Variants in KALRN observed in about 807,000 individuals in gnomAD.
KALRN encodes kalirin.
In KALRN, 70 loss-of-function variants were observed where a neutral mutation model predicts 353.7. That is an observed-to-expected ratio of 0.20 (90% CI 0.16 to 0.24). The LOEUF (loss-of-function observed/expected upper bound fraction) is 0.24, where lower values mean the gene tolerates loss of function less well. Among genes scored for constraint, KALRN ranks in the 10% least tolerant of loss-of-function variants. The pLI is 1.00. For missense variants in KALRN, 2,791 were observed against 3,756.7 expected, an observed-to-expected ratio of 0.74 and a Z score of 6.72; for synonymous variants, 1,391 against 1,434.8, an observed-to-expected ratio of 0.97 and a Z score of 0.69.
At chr3:124,102,911 C>A (rs937226924) in intron 1 of KALRN, among the ~76,000 whole-genome samples, 4 of 152,204 alleles carry the variant, frequency 2.6e-5, no homozygotes, top group Non-Finnish European at 4.4e-5. Context: ...CTTTGTTTCT[C>A]ATTATGCCTT....
At position 124,719,503 on chromosome 3, in the gene KALRN, G is replaced by A. The variant is rs372318704; in HGVS notation, c.*33G>A. On this transcript the variant is annotated 3_prime_UTR_variant, in exon 60 of 60. Transcript: ENST00000682506. The surrounding 1 kb of genome is among the most constrained non-coding windows in gnomAD (Gnocchi z 5.3). The stretch of plus-strand genomic sequence containing the variant: ...CCAGCCCCTATGGTTTCACATAGAC[G>A]TGCAGTGTGAACCAAAGCAAGACTG... The A allele has an allele frequency of 1.7e-4, 266 of 1,578,518 alleles. 2 individuals are homozygous for A. The highest frequency in any genetic ancestry group is 1.5e-3 in the South Asian group (127 of 86,934).
intron 37 of KALRN, among the ~76,000 whole-genome samples, chr3:124,642,903 G>A (rs910088786): frequency 4.1e-5 from 6 of 145,760 alleles, no homozygotes; most frequent in African/African-American, 1.0e-4. Flanking sequence ...TGCAACCTCC[G>A]CCTCCCGGGT....
In KALRN at chr3:124,674,469, G is replaced by T; in HGVS notation, c.7048G>T (p.Val2350Phe). 1 of 1,614,018 alleles carries T rather than the reference G, an allele frequency of 6.2e-7. No individual in the cohort carries two copies. Among genetic ancestry groups the T allele is most frequent in the South Asian group, 1.1e-5 (1 of 91,052 alleles). Residue 2350 changes from valine (V) to phenylalanine (F), a missense_variant, in exon 49 of 60, where the codon GTC becomes TTC. Val to Phe is a conservative substitution (Grantham distance 50). This residue lies in a region of KALRN where 1,065 missense variants were observed against 1,156.4 expected (regional missense o/e 0.92). Transcript: ENST00000682506. ...TGTGAGCCAAGGTGAGGTGGTCCAGGTCCTCGCCGTCAACCAGCAGAACAT... is the reference window on the plus strand; with the variant it reads ...TGTGAGCCAAGGTGAGGTGGTCCAGTTCCTCGCCGTCAACCAGCAGAACAT... ...ICVSQGEVVQ[V>F]LAVNQQNMCL...
intron 5 of KALRN, among the ~76,000 whole-genome samples, chr3:124,283,336 AT>A (rs1472868737): frequency 2.6e-5 from 4 of 152,156 alleles, no homozygotes; most frequent in Non-Finnish European, 5.9e-5. Context: ...GTTGGGCATT[AT>A]TTTCTCAGCC....
chr3:124,070,309 G>C (rs1208314100), intron 1 of KALRN, among the ~76,000 whole-genome samples: 1 of 152,168 alleles, frequency 6.6e-6, no homozygotes, highest in East Asian at 1.9e-4. Flanking sequence ...TCCGTGGTGA[G>C]AGGTCCAGGA....
At chr3:124,249,839 C>T (rs996021162) in intron 3 of KALRN, among the ~76,000 whole-genome samples, 3 of 152,208 alleles carry the variant, frequency 2.0e-5, no homozygotes, top group African/African-American at 7.2e-5. Context: ...TCCCCGACTC[C>T]AGCTCTTTGA....
intron 56 of KALRN, 84 bp downstream of exon 56, chr3:124,700,117 A>G: frequency 7.4e-7 from 1 of 1,345,138 alleles, no homozygotes; most frequent in Non-Finnish European, 1.0e-6. Flanking sequence ...GCACGTTGAC[A>G]TGTCAGGCCA....
At chr3:124,658,581 C>G in intron 42 of KALRN, 64 bp downstream of exon 42, 2 of 1,192,168 alleles carry the variant, frequency 1.7e-6, no homozygotes, top group South Asian at 1.2e-5. Flanking sequence ...CAGCCACTTT[C>G]AGAAATACCA....
chr3:124,704,538 CT>C (rs3058054), intron 57 of KALRN, among the ~76,000 whole-genome samples: 2 of 151,258 alleles, frequency 1.3e-5, no homozygotes, highest in Non-Finnish European at 2.9e-5. Context: ...CATGGAAATT[CT>C]TTTTTTTTCT....
At chr3:124,295,579 C>T (rs1580636600) in intron 5 of KALRN, among the ~76,000 whole-genome samples, 1 of 152,132 alleles carries the variant, frequency 6.6e-6, no homozygotes, top group East Asian at 1.9e-4. Context: ...CATAACTCAT[C>T]TGCTTATTTG....
chr3:124,068,419 G>T (rs2149253608), intron 1 of KALRN, among the ~76,000 whole-genome samples: 1 of 152,344 alleles, frequency 6.6e-6, no homozygotes, highest in African/African-American at 2.4e-5. Flanking sequence ...TTGGCCCAGT[G>T]ACACCAATGA....
intron 1 of KALRN, among the ~76,000 whole-genome samples, chr3:124,160,792 C>G (rs1273399090): frequency 6.6e-6 from 1 of 152,190 alleles, no homozygotes; most frequent in African/African-American, 2.4e-5. Flanking sequence ...CCTGTCTGAG[C>G]AAGTCTGTCC....
chr3:124,141,062 C>T (rs918937534), intron 1 of KALRN, among the ~76,000 whole-genome samples: 47 of 152,124 alleles, frequency 3.1e-4, no homozygotes, highest in East Asian at 1.9e-4. Flanking sequence ...ACTTTGATTC[C>T]GCCTTCTTCA....
chr3:124,211,911 C>T (rs2076932504), intron 1 of KALRN, among the ~76,000 whole-genome samples: 1 of 152,074 alleles, frequency 6.6e-6, no homozygotes, highest in Non-Finnish European at 1.5e-5. Context: ...GGGAAGGCTT[C>T]CTGGAGGAAG....
intron 34 of KALRN, among the ~76,000 whole-genome samples, chr3:124,626,785 G>A (rs1400702681): frequency 1.3e-5 from 2 of 152,120 alleles, no homozygotes; most frequent in African/African-American, 4.8e-5. Flanking sequence ...CTATAATAAT[G>A]GTAAAGATGA....
At chr3:124,208,510 A>G (rs1364055902) in intron 1 of KALRN, among the ~76,000 whole-genome samples, 2 of 152,198 alleles carry the variant, frequency 1.3e-5, no homozygotes, top group South Asian at 2.1e-4. Flanking sequence ...AATTAAAGTG[A>G]GCTTGTGAAC....
Position 124,666,624 on chromosome 3 carries a change from G to A in KALRN, c.6521G>A (p.Arg2174Lys). ...GSLTPGYMFK[R>K]SIKMNYLVLE... ...CTCACCCCTGGCTACATGTTCAAAA[G>A]GAGCATCAAGGTGAGGATCCCAATG... The change falls in exon 46 of 60, where the codon AGG becomes AAG. Residue 2174 changes from arginine to lysine, a missense_variant. Physicochemically the swap from Arg to Lys is conservative, Grantham distance 26. Coordinates refer to ENST00000682506, the MANE Select transcript of KALRN (RefSeq NM_001388419.1). 1 of 1,613,902 alleles carries A rather than the reference G, an allele frequency of 6.2e-7. No individual in the cohort carries two copies. The highest frequency in any genetic ancestry group is 8.5e-7 in the Non-Finnish European group (1 of 1,179,836).
chr3:124,448,028 G>C (rs2093896718), intron 21 of KALRN, among the ~76,000 whole-genome samples: 1 of 152,090 alleles, frequency 6.6e-6, no homozygotes, highest in South Asian at 2.1e-4. Context: ...CTCCAAATAG[G>C]GCTTATAATG....
Position 124,462,520 on chromosome 3 carries a change from A to T in KALRN, c.3922-4A>T. 1 of 1,567,880 alleles carries T rather than the reference A, an allele frequency of 6.4e-7. No homozygotes were observed. The highest frequency in any genetic ancestry group is 8.8e-7 in the Non-Finnish European group (1 of 1,138,142). ...CCAGTGATGAAACTGTTACTGTCTT[A>T]CAGACCTACCTGTGGGAAATGACCA... is the stretch of plus-strand genomic sequence containing the variant. On this transcript the variant is annotated splice_region_variant and splice_polypyrimidine_tract_variant and intron_variant, in intron 24 of 59. Transcript: ENST00000682506.
Sources: allele counts gnomAD v4.1 joint callset (sites outside exome capture counted in the v4.1 genomes callset), GRCh38; gene constraint gnomAD v4.1.1; regional missense constraint gnomAD v4.1.1; non-coding constraint Gnocchi (gnomAD v3.1); transcripts MANE v1.5; gene names NCBI Gene and HGNC (gene_info 2026-07-23, HGNC 2026-07-21).